The following CNTLN variants were observed in gnomAD, a reference collection of about 807,000 sequenced individuals.
The protein encoded by CNTLN is centlein, centrosomal protein.
Under a neutral mutation model 180.0 loss-of-function variants are expected in CNTLN, and 212 were observed. The ratio of observed to expected loss-of-function variants is 1.18; its 90% CI spans 1.05 to 1.32. CNTLN has a LOEUF of 1.32. Among genes scored for constraint, CNTLN ranks in the 40% most tolerant of loss-of-function variants. The pLI, the probability that CNTLN is intolerant of heterozygous loss-of-function variation, is 0.00. For synonymous variants in CNTLN, 722 were observed against 563.1 expected, an observed-to-expected ratio of 1.28 and a Z score of -3.99; for missense variants, 2,095 against 1,610.9, an observed-to-expected ratio of 1.30 and a Z score of -5.14.
chr9:17,225,717 T>C (rs1367248952), intron 2 of CNTLN, among the ~76,000 whole-genome samples: 3 of 152,008 alleles, frequency 2.0e-5, no homozygotes, highest in Non-Finnish European at 4.4e-5. Flanking sequence ...ATTGTACAAC[T>C]ACCATTTAGT....
intron 2 of CNTLN, among the ~76,000 whole-genome samples, chr9:17,216,539 CT>C (rs1205266968): frequency 6.6e-6 from 1 of 152,042 alleles, no homozygotes; most frequent in Non-Finnish European, 1.5e-5. Context: ...GATATGTGTG[CT>C]ATATCCTTGA....
At chr9:17,391,540 G>T (rs1405678494) in intron 14 of CNTLN, among the ~76,000 whole-genome samples, 1 of 151,982 alleles carries the variant, frequency 6.6e-6, no homozygotes, top group Non-Finnish European at 1.5e-5. Context: ...GAGCCCCAAC[G>T]TATGTAAAAT....
intron 18 of CNTLN, among the ~76,000 whole-genome samples, chr9:17,434,386 T>C (rs1359730600): frequency 6.6e-6 from 1 of 152,110 alleles, no homozygotes; most frequent in African/African-American, 2.4e-5. Flanking sequence ...CCATCACTGC[T>C]TTAGCTGCAT....
chr9:17,504,100 T>TA (rs71331492), downstream of CNTLN, among the ~76,000 whole-genome samples: 1 of 151,516 alleles, frequency 6.6e-6, no homozygotes, highest in African/African-American at 2.4e-5. Flanking sequence ...TTACTGCAAT[T>TA]AAAAAAAAAA....
At chr9:17,202,646 G>GTTTTTTTTTTTTTTTTTTTTTT (rs57960408) in intron 2 of CNTLN, among the ~76,000 whole-genome samples, 10 of 71,474 alleles carry the variant, frequency 1.4e-4, no homozygotes, top group Admixed American at 1.6e-4. Flanking sequence ...TGCAACCTCT[G>GTTTTTTTTTTTTTTTTTTTTTT]TTTTTTTTTT....
intron 25 of CNTLN, among the ~76,000 whole-genome samples, chr9:17,498,759 C>T (rs955587703): frequency 7.9e-5 from 12 of 152,058 alleles, no homozygotes; most frequent in Non-Finnish European, 1.6e-4. Flanking sequence ...CTTTGTAATC[C>T]CTGGCAAATA....
At chr9:17,224,749 A>G (rs1338768072) in intron 2 of CNTLN, among the ~76,000 whole-genome samples, 1 of 151,916 alleles carries the variant, frequency 6.6e-6, no homozygotes, top group Non-Finnish European at 1.5e-5. Context: ...TACTTTTAAC[A>G]TTAGTTATTC....
chr9:17,265,839 G>A (rs1046951573), intron 5 of CNTLN, among the ~76,000 whole-genome samples: 2 of 152,158 alleles, frequency 1.3e-5, no homozygotes, highest in Admixed American at 6.5e-5. Flanking sequence ...GGTGTTTGTA[G>A]TATTCTTTCA....
At chr9:17,154,803 G>A (rs148606229) in intron 2 of CNTLN, among the ~76,000 whole-genome samples, 179 of 152,336 alleles carry the variant, frequency 1.2e-3, no homozygotes, top group Non-Finnish European at 2.1e-3. Context: ...TTATCAGGAC[G>A]TGGGCGGGGC....
intron 15 of CNTLN, 45 bp downstream of exon 15, chr9:17,395,114 T>G: frequency 6.5e-7 from 1 of 1,529,526 alleles, no homozygotes; most frequent in Non-Finnish European, 8.8e-7. Context: ...ACACTGCGCA[T>G]ATGTAAAGCA....
intron 15 of CNTLN, among the ~76,000 whole-genome samples, chr9:17,400,974 G>T (rs1200890729): frequency 6.6e-6 from 1 of 152,022 alleles, no homozygotes; most frequent in Non-Finnish European, 1.5e-5. Flanking sequence ...TTTTAATCTT[G>T]GAAATTTTTA....
rs1037432366 is a variant in CNTLN, at chr9:17,388,169, C to G, written c.1995C>G (p.Leu665=). Residue 665 remains leucine, a synonymous_variant, in exon 14 of 26, where the codon CTC becomes CTG. Coordinates refer to ENST00000380647, the MANE Select transcript of CNTLN (RefSeq NM_017738.4). ...RCVAERREEQ[L]FRSGEDDEVK... is the part of the protein sequence containing the mutation. ...TTATTTATTCTCTACCAGAACAGCT[C>G]TTTAGATCTGGTGAAGATGATGAGG... The G allele has an allele frequency of 3.1e-6, 5 of 1,605,922 alleles. No individual in the cohort carries two copies. The highest frequency in any genetic ancestry group is 4.3e-6 in the Non-Finnish European group (5 of 1,173,640).
chr9:17,401,458 C>T (rs997813749), intron 15 of CNTLN, among the ~76,000 whole-genome samples: 6 of 151,616 alleles, frequency 4.0e-5, no homozygotes, highest in Non-Finnish European at 2.9e-5. Context: ...ACTGCATCCT[C>T]GACTTCCTGA....
intron 2 of CNTLN, among the ~76,000 whole-genome samples, chr9:17,155,134 A>G (rs1201586616): frequency 6.6e-6 from 1 of 152,206 alleles, no homozygotes; most frequent in Non-Finnish European, 1.5e-5. Flanking sequence ...TGGAAGGAAG[A>G]AACTCTGGAC....
chr9:17,230,637 T>C (rs1342705567), intron 3 of CNTLN, among the ~76,000 whole-genome samples: 2 of 151,996 alleles, frequency 1.3e-5, no homozygotes, highest in South Asian at 2.1e-4. Context: ...TAAAATAGTT[T>C]TTCTTGATGG....
chr9:17,489,940 T>C (rs1193959140), intron 25 of CNTLN, among the ~76,000 whole-genome samples: 2 of 152,202 alleles, frequency 1.3e-5, no homozygotes, highest in Admixed American at 6.5e-5. Flanking sequence ...TCTTTGAACA[T>C]TTTTAATCTG....
rs778417757 is a variant in CNTLN, at chr9:17,209,380, G to T, written c.450-16823G>T. On this transcript the variant is annotated intron_variant, in intron 2 of 25. Coordinates refer to ENST00000380647, the MANE Select transcript of CNTLN (RefSeq NM_017738.4). ...GATCCATGTGCTGAGGAGAAGAAAA[G>T]AATGCGTATTCTGGACCAGTTGGAT... is the stretch of plus-strand genomic sequence containing the variant. Among the ~76,000 whole-genome samples, 18 of 152,256 alleles carry T rather than the reference G, an allele frequency of 1.2e-4. No homozygotes were observed. The South Asian group carries it at 1.7e-3, about 14-fold the overall frequency.
chr9:17,226,316 T>G, intron 3 of CNTLN, 29 bp downstream of exon 3: 3 of 1,243,492 alleles, frequency 2.4e-6, no homozygotes, highest in Non-Finnish European at 3.3e-6. Flanking sequence ...ATATTTAAAT[T>G]AACTATATTT....
chr9:17,337,423 AT>A (rs1429081655), intron 10 of CNTLN, among the ~76,000 whole-genome samples: 1 of 152,020 alleles, frequency 6.6e-6, no homozygotes, highest in Non-Finnish European at 1.5e-5. Context: ...GGATAAAACT[AT>A]TTTTTCTGTA....
Sources: allele counts gnomAD v4.1 joint callset (sites outside exome capture counted in the v4.1 genomes callset), GRCh38; gene constraint gnomAD v4.1.1; transcripts MANE v1.5; gene names NCBI Gene and HGNC (gene_info 2026-07-23, HGNC 2026-07-21).